SFTPD: variants seen among roughly 807,000 people sequenced by gnomAD.
The protein encoded by SFTPD is surfactant protein D, also known as pulmonary surfactant-associated protein D.
SFTPD carries 18 observed loss-of-function variants against 34.6 expected under a neutral mutation model. The ratio of observed to expected loss-of-function variants is 0.52; its 90% CI spans 0.36 to 0.77. SFTPD has a LOEUF of 0.77. Ranked by LOEUF, SFTPD falls within the 30% of genes least tolerant of loss-of-function variation. The probability of loss-of-function intolerance (pLI) is 0.00; values close to 1 mark genes in which losing one functional copy is unlikely to be tolerated. For synonymous variants in SFTPD, 155 were observed against 180.9 expected (o/e 0.86, Z 1.15); for missense variants, 433 against 468.9 (o/e 0.92, Z 0.71).
At chr10:79,961,266 C>T (rs960984235) in intron 1 of SFTPD, among the ~76,000 whole-genome samples, 1 of 152,156 alleles carries the variant, frequency 6.6e-6, no homozygotes, top group African/African-American at 2.4e-5. Context: ...ACACCAAAAG[C>T]AATGGCAACA....
chr10:79,951,848 C>T (rs571614534), upstream of SFTPD, among the ~76,000 whole-genome samples: 6 of 152,192 alleles, frequency 3.9e-5, no homozygotes, highest in Non-Finnish European at 5.9e-5. Context: ...CGACCAAGCT[C>T]ACCCTGGGAA....
At chr10:79,963,256 C>G (rs1175544453) in intron 1 of SFTPD, among the ~76,000 whole-genome samples, 1 of 151,572 alleles carries the variant, frequency 6.6e-6, no homozygotes, top group Non-Finnish European at 1.5e-5. Context: ...ATCTGGGAGG[C>G]TGGAGGATCA....
chr10:79,981,542 C>A (rs1842889956), intron 1 of SFTPD, among the ~76,000 whole-genome samples: 1 of 152,198 alleles, frequency 6.6e-6, no homozygotes, highest in African/African-American at 2.4e-5. Context: ...CAGATCCTCC[C>A]GCCAGCCCAG....
chr10:79,941,451 C>T lies in SFTPD; in HGVS notation c.614G>A (p.Gly205Glu), dbSNP rs780674135. 2 of 1,613,734 alleles carry T rather than the reference C, an allele frequency of 1.2e-6. No individual in the cohort carries two copies. Among genetic ancestry groups the T allele is most frequent in the Non-Finnish European group, 1.7e-6 (2 of 1,179,766 alleles). Reference sequence around the variant, plus strand: ...TTTGTCTCCAGGAATGCCTTTGTCCCCCTTCAATCCCGGGGGTCCCCTGGC... The same window carrying T: ...TTTGTCTCCAGGAATGCCTTTGTCCTCCTTCAATCCCGGGGGTCCCCTGGC... Reference protein sequence around the residue: ...PGARGPPGLKGDKGIPGDKGA... With the variant: ...PGARGPPGLKEDKGIPGDKGA... Residue 205 changes from glycine to glutamate, a missense_variant, in exon 6 of 8, where the codon GGG becomes GAG. Gly to Glu is a moderately conservative substitution (Grantham distance 98). Transcript: ENST00000372292.
chr10:79,945,807 C>A (rs758199711), intron 2 of SFTPD, among the ~76,000 whole-genome samples: 3 of 152,212 alleles, frequency 2.0e-5, no homozygotes, highest in Non-Finnish European at 2.9e-5. Context: ...GAGCCCAGGC[C>A]AGTCTGATGC....
At chr10:79,973,158 A>C (rs1180945572) in intron 1 of SFTPD, 1 of 152,262 alleles carries the variant, frequency 6.6e-6, no homozygotes, top group Non-Finnish European at 1.5e-5. Context: ...TGTTAGTATT[A>C]ACATGCATAT....
At chr10:79,982,332 G>A in intron 1 of SFTPD, 1 of 969,394 alleles carries the variant, frequency 1.0e-6, no homozygotes, top group Non-Finnish European at 1.3e-6. Flanking sequence ...AGCGCCTCGG[G>A]CGGCGCTGCT....
chr10:79,941,819 G>A, intron 5 of SFTPD, 135 bp downstream of exon 5: 2 of 713,466 alleles, frequency 2.8e-6, no homozygotes, highest in Non-Finnish European at 5.0e-6. Context: ...CACCCTTCTT[G>A]GATACAGATT....
At chr10:79,949,834 T>C (rs1287642597), upstream of SFTPD, among the ~76,000 whole-genome samples, 1 of 148,736 alleles carries the variant, frequency 6.7e-6, no homozygotes, top group Admixed American at 6.8e-5. Flanking sequence ...GCTACTTTTA[T>C]CCAATCTTTT....
At chr10:79,981,963 TCTCCCGTG>T in intron 1 of SFTPD, 1 of 316,754 alleles carries the variant, frequency 3.2e-6, no homozygotes, top group Non-Finnish European at 5.9e-6. Context: ...CGTCTCCTTG[TCTCCCGTG>T]CCCGCGTCAG....
At chr10:79,941,656 C>T (rs1310420535) in intron 5 of SFTPD, 142 bp from the exon 6 acceptor site, 2 of 667,030 alleles carry the variant, frequency 3.0e-6, no homozygotes, top group African/African-American at 1.8e-5. Context: ...CCATGCAGCT[C>T]CCTGTACACT....
At chr10:79,977,139 A>C (rs1182406684) in intron 1 of SFTPD, among the ~76,000 whole-genome samples, 1 of 152,204 alleles carries the variant, frequency 6.6e-6, no homozygotes. Context: ...AAGAAACTAT[A>C]GGTGTGAGAC....
rs1360067604 is a variant in SFTPD, at chr10:79,941,538, G to A, written c.551-24C>T. ...CCCTGGGGTAAAAGAAGAACTGGGT[G>A]AGCTATGTACTCATTTTATTTTTTT... On this transcript the variant is annotated intron_variant, in intron 5 of 7. Transcript: ENST00000372292. 2.6e-6 allele frequency: 4 copies of A among 1,540,730 alleles called. No individual in the cohort carries two copies. The African/African-American group carries it at 5.6e-5, about 21-fold the overall frequency.
intron 1 of SFTPD, among the ~76,000 whole-genome samples, chr10:79,967,957 T>C (rs1347470584): frequency 8.2e-5 from 12 of 147,124 alleles, no homozygotes; most frequent in Non-Finnish European, 1.6e-4. Context: ...CACCCCTATC[T>C]CCCTTCACTG....
chr10:79,945,373 T>C (rs1842654710), intron 2 of SFTPD, among the ~76,000 whole-genome samples: 1 of 152,180 alleles, frequency 6.6e-6, no homozygotes, highest in African/African-American at 2.4e-5. Context: ...ACTTTCTGTC[T>C]GTAAGGGATA....
chr10:79,981,954 G>T, intron 1 of SFTPD: 1 of 313,990 alleles, frequency 3.2e-6, no homozygotes, highest in South Asian at 3.1e-5. Context: ...ACGTCTCCTC[G>T]TCTCCTTGTC....
rs775188444 is a variant in SFTPD at position 79,946,476 on chromosome 10, C to T, written c.184G>A (p.Glu62Lys). The T allele has an allele frequency of 6.2e-6, 10 of 1,613,746 alleles. No individual in the cohort carries two copies. The highest frequency in any genetic ancestry group is 1.1e-5 in the South Asian group (1 of 91,082). ...GRDGREGPRG[E>K]KGDPGLPGAA... ...CCCACCCTACCTGGGTCCCCCTTCT[C>T]GCCCCGAGGGCCCTCTCTCCCATCC... Residue 62 changes from glutamate (E) to lysine (K), a missense_variant, in exon 2 of 8, where the codon GAG (glutamate) becomes AAG (lysine). Glu to Lys is a moderately conservative substitution (Grantham distance 56, BLOSUM62 1). Transcript: ENST00000372292.
At chr10:79,950,629 C>T (rs2132506621), upstream of SFTPD, 1 of 152,308 alleles carries the variant, frequency 6.6e-6, no homozygotes, top group African/African-American at 2.4e-5. Flanking sequence ...TTCACATTGA[C>T]TTTGGATAGT....
At chr10:79,938,402 C>CT (rs763609538) in intron 7 of SFTPD, among the ~76,000 whole-genome samples, 174 bp from the exon 8 acceptor site, 11 of 152,116 alleles carry the variant, frequency 7.2e-5, no homozygotes, top group Non-Finnish European at 1.5e-4. Context: ...GTCCCATGAC[C>CT]TACCCTGTGA....
Sources: allele counts gnomAD v4.1 joint callset (sites outside exome capture counted in the v4.1 genomes callset), GRCh38; gene constraint gnomAD v4.1.1; transcripts MANE v1.5; gene names NCBI Gene and HGNC (gene_info 2026-07-23, HGNC 2026-07-21).